The following DAZAP1 variants were observed in gnomAD, a reference collection of about 807,000 sequenced individuals.
The protein encoded by DAZAP1 is DAZ associated protein 1, also known as DAZ-associated protein 1.
Under a neutral mutation model 60.1 loss-of-function variants are expected in DAZAP1, and 6 were observed. That is an observed-to-expected ratio of 0.10 (90% confidence interval 0.05 to 0.20). DAZAP1 has a LOEUF of 0.20. Among genes scored for constraint, DAZAP1 ranks in the 10% least tolerant of loss-of-function variants. The pLI is 1.00. For synonymous variants in DAZAP1, 235 were observed against 215.9 expected (o/e 1.09, Z -0.78); for missense variants, 366 against 560.4 (o/e 0.65, Z 3.50).
Position 1,432,170 on chromosome 19 carries a change from G to A in DAZAP1, c.872-344G>A. ...TTCCTAAACATGGGGACTGGGCATGGTGGCAGGTTTTTGTCCTTCTGAAAG... is the reference window on the plus strand; with the variant it reads ...TTCCTAAACATGGGGACTGGGCATGATGGCAGGTTTTTGTCCTTCTGAAAG... On this transcript the variant is annotated intron_variant, in intron 10 of 11. Transcript: ENST00000233078. This position sits in a 1 kb window ranked among gnomAD's most constrained non-coding sequence, Gnocchi z 4.9. 1 of 347,892 alleles carries A rather than the reference G, an allele frequency of 2.9e-6. No homozygotes were observed. The highest frequency in any genetic ancestry group is 5.3e-6 in the Non-Finnish European group (1 of 187,126). 21.6% of individuals were successfully genotyped at this position (347,892 alleles called of 1,614,324 possible).
chr19:1,410,864 A>G (rs1600179612), intron 1 of DAZAP1, among the ~76,000 whole-genome samples: 1 of 152,212 alleles, frequency 6.6e-6, no homozygotes, highest in Non-Finnish European at 1.5e-5. Flanking sequence ...ATATTGTAGG[A>G]AAGTCACAGA....
intron 7 of DAZAP1, chr19:1,427,588 G>T (rs1010137949): frequency 7.9e-5 from 12 of 152,060 alleles, no homozygotes; most frequent in African/African-American, 2.4e-4. Context: ...ATTTTTTTTT[G>T]TTTTTGTTTT....
intron 4 of DAZAP1, among the ~76,000 whole-genome samples, chr19:1,419,730 TACAA>T (rs1319420956): frequency 4.0e-5 from 6 of 151,056 alleles, no homozygotes; most frequent in Non-Finnish European, 8.8e-5. Flanking sequence ...TTCTGACCCA[TACAA>T]ACACTCATGA....
chr19:1,417,356 T>G, intron 1 of DAZAP1, 144 bp from the exon 2 acceptor site: 59 of 872,952 alleles, frequency 6.8e-5, no homozygotes, highest in Non-Finnish European at 9.0e-5. Flanking sequence ...GCCATTGCTG[T>G]GAGCTTTGTA....
At position 1,425,188 on chromosome 19, in the gene DAZAP1, T is replaced by C. The variant is rs2144853647; in HGVS notation, c.464-690T>C. Among the ~76,000 whole-genome samples, 1 of 152,356 alleles carries C rather than the reference T, an allele frequency of 6.6e-6. No individual in the cohort carries two copies. Among genetic ancestry groups the C allele is most frequent in the Middle Eastern group, 3.4e-3 (1 of 294 alleles). ...ATAGAACATGCATAGATGTCTACGA[T>C]ATGACCTCTTCTAGGACTCCTTGGG... On this transcript the variant is annotated intron_variant, in intron 6 of 11. Coordinates refer to ENST00000233078, the MANE Select transcript of DAZAP1 (RefSeq NM_018959.4). This position sits in a 1 kb window ranked among gnomAD's most constrained non-coding sequence, Gnocchi z 5.4.
At chr19:1,415,658 C>G (rs1417685841) in intron 1 of DAZAP1, 2 of 152,090 alleles carry the variant, frequency 1.3e-5, no homozygotes, top group Non-Finnish European at 2.9e-5. Context: ...CCCACGGTCT[C>G]TAGGCCTGAC....
chr19:1,417,058 A>C (rs2083007355), intron 1 of DAZAP1: 1 of 163,898 alleles, frequency 6.1e-6, no homozygotes, highest in South Asian at 1.3e-4. Flanking sequence ...GCTGTAATTC[A>C]GAGGCCGTGT....
intron 8 of DAZAP1, among the ~76,000 whole-genome samples, 197 bp downstream of exon 8, chr19:1,429,192 C>T (rs1041641181): frequency 4.6e-5 from 7 of 152,356 alleles, no homozygotes; most frequent in South Asian, 2.1e-4. Flanking sequence ...TCCTCAGTAG[C>T]GGGGTGGCCA....
chr19:1,430,295 C>A lies in DAZAP1; in HGVS notation c.804C>A (p.Ser268=), dbSNP rs747009602. ...PPPPFTSYIV[S]TPPGGFPPPQ... Reference sequence around the variant, plus strand: ...CACCGTTCACCTCCTACATCGTGTCCACCCCTCCTGGAGGCTTTCCCCCTC... The same window carrying A: ...CACCGTTCACCTCCTACATCGTGTCAACCCCTCCTGGAGGCTTTCCCCCTC... Residue 268 remains serine, a synonymous_variant, in exon 10 of 12, where the codon TCC becomes TCA. Transcript: ENST00000233078. The A allele has an allele frequency of 2.0e-6, 3 of 1,517,554 alleles. No individual in the cohort carries two copies. In the East Asian group the frequency reaches 6.8e-5, roughly 34 times the overall value. 94.0% of individuals were successfully genotyped at this position (1,517,554 alleles called of 1,614,324 possible). A position where few individuals can be genotyped will look rare whatever the true frequency, so the allele number is the denominator to read the frequency against.
chr19:1,421,011 C>T (rs530287184), intron 4 of DAZAP1, 137 bp from the exon 5 acceptor site: 29 of 683,502 alleles, frequency 4.2e-5, no homozygotes, highest in African/African-American at 1.4e-4. Context: ...TTGGACTTAG[C>T]GGGCTTGTGG....
Position 1,433,799 on chromosome 19 carries a change from T to C in DAZAP1, c.1049-938T>C, listed in dbSNP as rs1437269580. On this transcript the variant is annotated intron_variant, in intron 11 of 11. Coordinates refer to ENST00000233078, the MANE Select transcript of DAZAP1 (RefSeq NM_018959.4). This position sits in a 1 kb window ranked among gnomAD's most constrained non-coding sequence, Gnocchi z 6.1. Reference sequence around the variant, plus strand: ...GGCCCACACTTTGTTTACAGTCTTATGGTCAGGCTGAGCAGTGATGTGGCC... The same window carrying C: ...GGCCCACACTTTGTTTACAGTCTTACGGTCAGGCTGAGCAGTGATGTGGCC... The C allele has an allele frequency of 3.1e-6, 5 of 1,614,000 alleles. No homozygotes were observed. Among genetic ancestry groups the C allele is most frequent in the Non-Finnish European group, 3.4e-6 (4 of 1,179,898 alleles).
chr19:1,414,001 G>GTGTA (rs2082903102), intron 1 of DAZAP1, among the ~76,000 whole-genome samples: 1 of 149,072 alleles, frequency 6.7e-6, no homozygotes, highest in Non-Finnish European at 1.5e-5. Flanking sequence ...GTGTGTGTGT[G>GTGTA]TGTGTGTGTG....
chr19:1,424,357 C>T (rs2083251060), intron 6 of DAZAP1, among the ~76,000 whole-genome samples: 2 of 125,646 alleles, frequency 1.6e-5, no homozygotes, highest in African/African-American at 5.8e-5. Flanking sequence ...TCCCCCTCCC[C>T]CTCCCCCCTC....
chr19:1,429,427 G>A (rs1600239309), intron 8 of DAZAP1, among the ~76,000 whole-genome samples: 1 of 152,220 alleles, frequency 6.6e-6, no homozygotes, highest in East Asian at 1.9e-4. Flanking sequence ...AGTGCCGTGG[G>A]CCCTCTGTAG....
chr19:1,429,820 G>A (rs2083398105), intron 8 of DAZAP1, 147 bp from the exon 9 acceptor site: 7 of 911,218 alleles, frequency 7.7e-6, no homozygotes, highest in Non-Finnish European at 1.0e-5. Context: ...AGGGTTCAGA[G>A]GGCTCTGCCC....
At chr19:1,427,484 G>C (rs1203154645) in intron 7 of DAZAP1, 1 of 152,278 alleles carries the variant, frequency 6.6e-6, no homozygotes, top group African/African-American at 2.4e-5. Context: ...CCTCATGGGG[G>C]TTTTCCGTTT....
At chr19:1,414,199 G>T (rs2144731772) in intron 1 of DAZAP1, among the ~76,000 whole-genome samples, 1 of 151,968 alleles carries the variant, frequency 6.6e-6, no homozygotes, top group South Asian at 2.1e-4. Flanking sequence ...TGTATTTTTA[G>T]TAGAGATGGG....
At chr19:1,431,899 G>C (rs1480592191) in intron 10 of DAZAP1, 1 of 153,504 alleles carries the variant, frequency 6.5e-6, no homozygotes. Flanking sequence ...ATCACAGTGT[G>C]AGCTAGTCCC....
intron 1 of DAZAP1, among the ~76,000 whole-genome samples, chr19:1,414,661 G>A (rs1353042377): frequency 4.0e-5 from 6 of 151,760 alleles, no homozygotes; most frequent in African/African-American, 1.2e-4. Context: ...GCTTGAACCC[G>A]GGAGGCGGAG....
Sources: allele counts gnomAD v4.1 joint callset (sites outside exome capture counted in the v4.1 genomes callset), GRCh38; gene constraint gnomAD v4.1.1; non-coding constraint Gnocchi (gnomAD v3.1); transcripts MANE v1.5; gene names NCBI Gene and HGNC (gene_info 2026-07-23, HGNC 2026-07-21).